SLC1A2: variants seen among roughly 807,000 people sequenced by gnomAD.
The protein encoded by SLC1A2 is solute carrier family 1 member 2, also known as excitatory amino acid transporter 2.
In SLC1A2, 15 loss-of-function variants were observed where a neutral mutation model predicts 48.8. That is an observed-to-expected ratio of 0.31 (90% CI 0.21 to 0.47). SLC1A2 has a LOEUF of 0.47. Among genes scored for constraint, SLC1A2 ranks in the 20% least tolerant of loss-of-function variants. The pLI is 0.99. For synonymous variants in SLC1A2, 279 were observed against 272.6 expected, an observed-to-expected ratio of 1.02 and a Z score of -0.23; for missense variants, 502 against 730.5, an observed-to-expected ratio of 0.69 and a Z score of 3.61.
chr11:35,326,001 A>C (rs185406156), intron 1 of SLC1A2, among the ~76,000 whole-genome samples: 2 of 149,522 alleles, frequency 1.3e-5, no homozygotes, highest in East Asian at 3.9e-4. Flanking sequence ...GAACACCTGC[A>C]TTGGGAAAAC....
chr11:35,356,314 G>A (rs1174728781), intron 1 of SLC1A2, among the ~76,000 whole-genome samples: 1 of 152,174 alleles, frequency 6.6e-6, no homozygotes, highest in African/African-American at 2.4e-5. Flanking sequence ...GCAGGTGTGT[G>A]TTTGTTCTAT....
At chr11:35,373,273 C>T (rs991511744) in intron 1 of SLC1A2, among the ~76,000 whole-genome samples, 2 of 152,344 alleles carry the variant, frequency 1.3e-5, no homozygotes, top group African/African-American at 4.8e-5. Context: ...GCTGCCCTTT[C>T]AGCTCCTTTC....
chr11:35,341,504 C>G (rs537317251), intron 1 of SLC1A2, among the ~76,000 whole-genome samples: 2 of 152,138 alleles, frequency 1.3e-5, no homozygotes, highest in East Asian at 3.9e-4. Context: ...TTAAAAAAAC[C>G]TAATAAGGTA....
chr11:35,278,643 C>G (rs143014170), intron 9 of SLC1A2, among the ~76,000 whole-genome samples: 62 of 152,254 alleles, frequency 4.1e-4, no homozygotes, highest in African/African-American at 1.5e-3. Context: ...TCCCAGCTGT[C>G]CTTCCTCCCT....
intron 9 of SLC1A2, among the ~76,000 whole-genome samples, chr11:35,267,339 A>G (rs957944289): frequency 2.0e-5 from 3 of 152,206 alleles, no homozygotes; most frequent in Non-Finnish European, 2.9e-5. Flanking sequence ...CCTCGTTTAT[A>G]AAATGAAAAT....
rs116392274 is a variant in SLC1A2, at chr11:35,419,416, G to A, written c.-450C>T. 0.015 allele frequency: 2,917 copies of A among 193,386 alleles called. 86 individuals are homozygous for A. The highest frequency in any genetic ancestry group is 0.065 in the African/African-American group (2,776 of 42,894). 12.0% of individuals were successfully genotyped at this position (193,386 alleles called of 1,614,324 possible). A position where few individuals can be genotyped will look rare whatever the true frequency, so the allele number is the denominator to read the frequency against. On this transcript the variant is annotated 5_prime_UTR_variant, in exon 1 of 11. Transcript: ENST00000278379. The surrounding 1 kb of genome is among the most constrained non-coding windows in gnomAD (Gnocchi z 5.4). ...GGTGAGCGTGCGTGCGCGTGTGCGG[G>A]TGTGTGCGCGCCTGGGGAGGCGGTG...
chr11:35,280,875 G>A lies in SLC1A2; in HGVS notation c.1413C>T (p.Asp471=), dbSNP rs1850609964. 6.2e-7 allele frequency: 1 copy of A among 1,608,172 alleles called. No homozygotes were observed. The highest frequency in any genetic ancestry group is 8.5e-7 in the Non-Finnish European group (1 of 1,176,972). ...CATCCACAGACACTTACAGCAGCCA[G>A]TCCACAGCCACCAGCAGGCTGATGT... ...TEDISLLVAV[D]WLLDRMRTSV... is the part of the protein sequence containing the mutation. Residue 471 remains aspartate (D), a synonymous_variant, in exon 9 of 11, where the codon GAC becomes GAT. Coordinates refer to ENST00000278379, the MANE Select transcript of SLC1A2 (RefSeq NM_004171.4).
chr11:35,270,304 A>G (rs1850245021), intron 9 of SLC1A2, among the ~76,000 whole-genome samples: 1 of 152,164 alleles, frequency 6.6e-6, no homozygotes, highest in Non-Finnish European at 1.5e-5. Context: ...TCCCAACCTC[A>G]CAGGAGGTTG....
intron 1 of SLC1A2, among the ~76,000 whole-genome samples, chr11:35,411,266 A>G (rs1855451348): frequency 6.6e-6 from 1 of 152,196 alleles, no homozygotes; most frequent in Admixed American, 6.5e-5. Flanking sequence ...TAAATAGAAA[A>G]AATGATAGCT....
At chr11:35,331,708 T>C (rs1261372534) in intron 1 of SLC1A2, among the ~76,000 whole-genome samples, 1 of 152,170 alleles carries the variant, frequency 6.6e-6, no homozygotes, top group South Asian at 2.1e-4. Context: ...TTCGTGGTGT[T>C]TGGGGAATAT....
intron 1 of SLC1A2, among the ~76,000 whole-genome samples, chr11:35,319,186 A>G (rs1851979852): frequency 6.6e-6 from 1 of 152,228 alleles, no homozygotes; most frequent in East Asian, 1.9e-4. Flanking sequence ...CTTTCTGATC[A>G]GTGAGCAACA....
chr11:35,265,999 T>C (rs988862061), intron 9 of SLC1A2, among the ~76,000 whole-genome samples: 1 of 152,198 alleles, frequency 6.6e-6, no homozygotes, highest in Admixed American at 6.5e-5. Flanking sequence ...GTATGTAAAG[T>C]GCTTAGTAAA....
chr11:35,321,049 A>G (rs1852046736), intron 1 of SLC1A2, among the ~76,000 whole-genome samples: 1 of 152,148 alleles, frequency 6.6e-6, no homozygotes, highest in Non-Finnish European at 1.5e-5. Context: ...CTTACAATCA[A>G]ATCATGGTGG....
Position 35,317,371 on chromosome 11 carries a change from AC to A in SLC1A2, c.157+5del, listed in dbSNP as rs1420442287. On this transcript the variant is annotated splice_donor_5th_base_variant and intron_variant, in intron 2 of 10. Transcript: ENST00000278379. ...GGGCTGGGGGTGGGGTAGTGCAGGT[AC>A]CTACCAAACACCGTCAGGGTGAGCA... The A allele has an allele frequency of 5.0e-6, 8 of 1,613,694 alleles. No homozygotes were observed. Among genetic ancestry groups the A allele is most frequent in the Non-Finnish European group, 6.8e-6 (8 of 1,179,778 alleles).
At chr11:35,312,167 G>C (rs1180369931) in intron 4 of SLC1A2, 31 bp downstream of exon 4, 1 of 1,610,478 alleles carries the variant, frequency 6.2e-7, no homozygotes, top group East Asian at 2.2e-5. Context: ...TAGAGGACTG[G>C]AGAAGAGAGA....
intron 9 of SLC1A2, among the ~76,000 whole-genome samples, chr11:35,269,754 G>T (rs867106332): frequency 2.0e-5 from 3 of 152,126 alleles, no homozygotes; most frequent in African/African-American, 4.8e-5. Context: ...ATTTGAAAAA[G>T]AACTCTGGCC....
intron 1 of SLC1A2, among the ~76,000 whole-genome samples, chr11:35,360,554 T>C (rs868091475): frequency 2.6e-4 from 39 of 152,204 alleles, no homozygotes; most frequent in Non-Finnish European, 1.9e-4. Flanking sequence ...GTAAAGTCAT[T>C]AGTCTTTAAC....
chr11:35,293,186 C>T lies in SLC1A2; in HGVS notation c.858-666G>A, dbSNP rs115447959. Among the ~76,000 whole-genome samples, 1,140 of 152,208 alleles carry T rather than the reference C, an allele frequency of 7.5e-3. 15 individuals are homozygous for T. Among genetic ancestry groups the T allele is most frequent in the African/African-American group, 0.025 (1,050 of 41,518 alleles). On this transcript the variant is annotated intron_variant, in intron 6 of 10. Coordinates refer to ENST00000278379, the MANE Select transcript of SLC1A2 (RefSeq NM_004171.4). ...CCCTCACTTAATGCTTACCACAACCCGAAAATCTAGGTGTCATTATTGCAA... is the reference window on the plus strand; with the variant it reads ...CCCTCACTTAATGCTTACCACAACCTGAAAATCTAGGTGTCATTATTGCAA...
chr11:35,270,378 C>T lies in SLC1A2; in HGVS notation c.1422-4620G>A, dbSNP rs113013310. Among the ~76,000 whole-genome samples the T allele has an allele frequency of 2.6e-3, 397 of 152,290 alleles. 1 individual carries two copies. Among genetic ancestry groups the T allele is most frequent in the Admixed American group, 5.3e-3 (81 of 15,298 alleles). Reference sequence around the variant, plus strand: ...GTACTCATTGTAGGTTACAGGCATACATGAGCAAGAAAATGTTCCTTTTCT... The same window carrying T: ...GTACTCATTGTAGGTTACAGGCATATATGAGCAAGAAAATGTTCCTTTTCT... On this transcript the variant is annotated intron_variant, in intron 9 of 10. Transcript: ENST00000278379.
Sources: allele counts gnomAD v4.1 joint callset (sites outside exome capture counted in the v4.1 genomes callset), GRCh38; gene constraint gnomAD v4.1.1; non-coding constraint Gnocchi (gnomAD v3.1); transcripts MANE v1.5; gene names NCBI Gene and HGNC (gene_info 2026-07-23, HGNC 2026-07-21).